DLGAP2: variants seen among roughly 807,000 people sequenced by gnomAD.
DLGAP2 encodes disks large-associated protein 2.
DLGAP2 carries 26 observed loss-of-function variants against 100.3 expected under a neutral mutation model. That is an observed-to-expected ratio of 0.26 (90% CI 0.19 to 0.36). DLGAP2 has a LOEUF of 0.36. Ranked by LOEUF, DLGAP2 falls within the 10% of genes least tolerant of loss-of-function variation. DLGAP2 has a pLI of 1.00. For synonymous variants in DLGAP2, 886 were observed against 630.1 expected, an observed-to-expected ratio of 1.41 and a Z score of -6.08; for missense variants, 1,858 against 1,453.2, an observed-to-expected ratio of 1.28 and a Z score of -4.53.
At chr8:1,592,828 A>G (rs778207694) in intron 6 of DLGAP2, among the ~76,000 whole-genome samples, 3 of 152,198 alleles carry the variant, frequency 2.0e-5, no homozygotes, top group Admixed American at 6.5e-5. Context: ...CTCTGTGAGC[A>G]TCACCGACTG....
At chr8:1,011,269 C>T (rs1249230209) in intron 2 of DLGAP2, among the ~76,000 whole-genome samples, 2 of 148,330 alleles carry the variant, frequency 1.3e-5, no homozygotes, top group Non-Finnish European at 3.0e-5. Context: ...TGAGGAGTCT[C>T]AGTCTACACA....
chr8:1,338,569 CA>C (rs1585274563), intron 3 of DLGAP2, among the ~76,000 whole-genome samples: 1 of 152,170 alleles, frequency 6.6e-6, no homozygotes, highest in African/African-American at 2.4e-5. Flanking sequence ...GATTCTTGCA[CA>C]CCTTTGTGAA....
chr8:899,646 T>A (rs1319133002), intron 1 of DLGAP2, among the ~76,000 whole-genome samples: 1 of 152,212 alleles, frequency 6.6e-6, no homozygotes, highest in South Asian at 2.1e-4. Flanking sequence ...ATCACAAACA[T>A]TAAAATGCTA....
intron 3 of DLGAP2, among the ~76,000 whole-genome samples, chr8:1,434,754 C>A (rs1797566527): frequency 6.6e-6 from 1 of 152,186 alleles, no homozygotes; most frequent in Admixed American, 6.5e-5. Context: ...GGATTACAGG[C>A]TTGAGCCACT....
chr8:1,204,319 G>A (rs548903089), intron 2 of DLGAP2, among the ~76,000 whole-genome samples: 8 of 152,252 alleles, frequency 5.3e-5, no homozygotes, highest in African/African-American at 1.9e-4. Context: ...TCTCACGAGA[G>A]AACAATTACA....
chr8:1,059,989 C>T (rs530973010), intron 2 of DLGAP2, among the ~76,000 whole-genome samples: 30 of 152,240 alleles, frequency 2.0e-4, no homozygotes, highest in South Asian at 4.1e-4. Flanking sequence ...GTAGCTGGGA[C>T]GTCTTGACAG....
intron 3 of DLGAP2, among the ~76,000 whole-genome samples, chr8:1,309,231 G>A (rs1252278826): frequency 6.6e-6 from 1 of 152,160 alleles, no homozygotes; most frequent in African/African-American, 2.4e-5. Context: ...GAGGAAAGAT[G>A]TGAATATACA....
chr8:1,244,295 CTG>C (rs200734555), intron 2 of DLGAP2, among the ~76,000 whole-genome samples: 2,029 of 152,352 alleles, frequency 0.013, 24 homozygotes, highest in Non-Finnish European at 0.022. Flanking sequence ...TAATAAATAA[CTG>C]TGGAATGACT....
chr8:1,452,031 T>C (rs1256013089), intron 3 of DLGAP2, among the ~76,000 whole-genome samples: 1 of 152,270 alleles, frequency 6.6e-6, no homozygotes, highest in Non-Finnish European at 1.5e-5. Flanking sequence ...TGTCCCATCC[T>C]GGGCAGCACA....
chr8:1,498,965 T>G (rs1226836062), intron 3 of DLGAP2, among the ~76,000 whole-genome samples: 2 of 152,202 alleles, frequency 1.3e-5, no homozygotes, highest in Non-Finnish European at 1.5e-5. Flanking sequence ...TGCTGGATTG[T>G]TAACTTTGAA....
chr8:1,244,456 C>A (rs1798863866), intron 2 of DLGAP2, among the ~76,000 whole-genome samples: 1 of 152,150 alleles, frequency 6.6e-6, no homozygotes, highest in Non-Finnish European at 1.5e-5. Flanking sequence ...AAAAGAGGTG[C>A]CATAGAAACA....
At chr8:1,252,380 C>T (rs1209719334) in intron 2 of DLGAP2, among the ~76,000 whole-genome samples, 1 of 144,528 alleles carries the variant, frequency 6.9e-6, no homozygotes, top group Non-Finnish European at 1.6e-5. Context: ...GTGGTGTTGT[C>T]ACATGGGTGT....
At chr8:1,257,769 C>T (rs777073728) in intron 2 of DLGAP2, among the ~76,000 whole-genome samples, 24 of 151,574 alleles carry the variant, frequency 1.6e-4, no homozygotes, top group Admixed American at 1.2e-3. Context: ...GGTGTCCTCC[C>T]GAGGGCCCGT....
chr8:1,528,695 C>A (rs1356214057), intron 4 of DLGAP2, among the ~76,000 whole-genome samples: 1 of 152,112 alleles, frequency 6.6e-6, no homozygotes, highest in Admixed American at 6.5e-5. Context: ...GAGTGGGTGA[C>A]CAGATGACCG....
chr8:752,689 C>T (rs550887549), intron 1 of DLGAP2, among the ~76,000 whole-genome samples: 5 of 152,244 alleles, frequency 3.3e-5, no homozygotes, highest in African/African-American at 7.2e-5. Flanking sequence ...GATGCCATGG[C>T]GGCCAGGAGG....
intron 2 of DLGAP2, among the ~76,000 whole-genome samples, chr8:1,170,519 C>T (rs77584798): frequency 0.18 from 27,165 of 149,798 alleles, 2,606 homozygotes; most frequent in Middle Eastern, 0.34. Flanking sequence ...GTCCTGGACT[C>T]TTTTTGGTTG....
intron 3 of DLGAP2, among the ~76,000 whole-genome samples, chr8:1,411,629 G>C (rs1796733785): frequency 6.6e-6 from 1 of 152,216 alleles, no homozygotes; most frequent in Non-Finnish European, 1.5e-5. Flanking sequence ...TCCTGGCCTG[G>C]TTTATCCTCT....
At chr8:1,449,985 G>A (rs111996665) in intron 3 of DLGAP2, among the ~76,000 whole-genome samples, 17 of 31,376 alleles carry the variant, frequency 5.4e-4, no homozygotes, top group Admixed American at 8.7e-4. Flanking sequence ...TGACTGAGGC[G>A]GAGCTGTGAG....
chr8:880,161 G>T (rs1024877272), intron 1 of DLGAP2, among the ~76,000 whole-genome samples: 2 of 152,066 alleles, frequency 1.3e-5, no homozygotes, highest in African/African-American at 4.8e-5. Context: ...CTGTGTTCTT[G>T]GCCCCGCCCC....
Sources: allele counts gnomAD v4.1 joint callset (sites outside exome capture counted in the v4.1 genomes callset), GRCh38; gene constraint gnomAD v4.1.1; transcripts MANE v1.5; gene names NCBI Gene and HGNC (gene_info 2026-07-23, HGNC 2026-07-21).